The following AHDC1 variants were observed in gnomAD, a reference collection of about 807,000 sequenced individuals.
The protein encoded by AHDC1 is transcription factor Gibbin.
In AHDC1, 7 loss-of-function variants were observed where a neutral mutation model predicts 87.9. The observed-to-expected ratio is 0.08, with a 90% confidence interval of 0.05 to 0.15. AHDC1 has a LOEUF of 0.15. Ranked by LOEUF, AHDC1 falls within the 10% of genes least tolerant of loss-of-function variation. The pLI is 1.00. For synonymous variants in AHDC1, 1,051 were observed against 1,006.8 expected (o/e 1.04, Z -0.83); for missense variants, 1,841 against 2,253.2 (o/e 0.82, Z 3.70).
chr1:27,547,518 G>A lies in AHDC1; in HGVS notation c.4598C>T (p.Ala1533Val). 6.2e-7 allele frequency: 1 copy of A among 1,609,478 alleles called. No individual in the cohort carries two copies. Among genetic ancestry groups the A allele is most frequent in the Non-Finnish European group, 8.5e-7 (1 of 1,177,360 alleles). ...TGGGCAGCCATAGCCAGCAGCGGCT[G>A]CAGCAGGGCCACGGGGTGGGCCAGG... The part of the protein sequence containing the change: ...RPPGPPRGPA[A>V]AAAGYGCPLL... Residue 1533 changes from alanine (A) to valine (V), a missense_variant, in exon 8 of 9, where the codon GCA (alanine) becomes GTA (valine). Ala to Val is a moderately conservative substitution (Grantham distance 64, BLOSUM62 0). This residue lies in a region of AHDC1 where 505 missense variants were observed against 626.2 expected (regional missense o/e 0.81). Coordinates refer to ENST00000673934, the MANE Select transcript of AHDC1 (RefSeq NM_001371928.1). The surrounding 1 kb of genome is among the most constrained non-coding windows in gnomAD (Gnocchi z 4.9).
chr1:27,544,570 G>A (rs929184078), intron 8 of AHDC1, among the ~76,000 whole-genome samples: 1 of 152,204 alleles, frequency 6.6e-6, no homozygotes, highest in Admixed American at 6.5e-5. Flanking sequence ...GAATGAGCGT[G>A]TCCTTGTCCT....
intron 8 of AHDC1, 63 bp from the exon 9 acceptor site, chr1:27,534,979 C>T (rs2018580755): frequency 6.6e-6 from 1 of 152,124 alleles, no homozygotes; most frequent in African/African-American, 2.4e-5. Flanking sequence ...GCTCTGAGAT[C>T]AGGGAAGTGA....
Position 27,560,196 on chromosome 1 carries a change from C to CAT in AHDC1, c.-628-1314_-628-1313insAT, listed in dbSNP as rs2020006401. ...TGCACTTTTCACGTTTATTTCTATTCGTTTTGTGTGTGTGTGTGTGTGTGT... is the reference window on the plus strand; with the variant it reads ...TGCACTTTTCACGTTTATTTCTATTCATGTTTTGTGTGTGTGTGTGTGTGTGT... On this transcript the variant is annotated intron_variant, in intron 3 of 8. Transcript: ENST00000673934. The surrounding 1 kb of genome is among the most constrained non-coding windows in gnomAD (Gnocchi z 4.1). Among the ~76,000 whole-genome samples, 1 of 73,216 alleles carries CAT rather than the reference C, an allele frequency of 1.4e-5. No individual in the cohort carries two copies. Among genetic ancestry groups the CAT allele is most frequent in the African/African-American group, 5.5e-5 (1 of 18,190 alleles). 48.0% of individuals were successfully genotyped at this position (73,216 alleles called of 152,430 possible). A position where few individuals can be genotyped will look rare whatever the true frequency, so the allele number is the denominator to read the frequency against.
Position 27,551,021 on chromosome 1 carries a change from C to A in AHDC1, c.1095G>T (p.Leu365=). 1 of 1,563,168 alleles carries A rather than the reference C, an allele frequency of 6.4e-7. No individual in the cohort carries two copies. Residue 365 remains leucine (L), a synonymous_variant, in exon 8 of 9, where the codon CTG becomes CTT. Transcript: ENST00000673934. ...GHCPLAEPLR[L]DLCSPHGPPG... ...GGGGGCCGTGCGGTGAGCACAAGTC[C>A]AGGCGCAAGGGCTCGGCCAGTGGGC...
rs547656373 is a variant in AHDC1, at chr1:27,548,565, C to A, written c.3551G>T (p.Arg1184Leu). Residue 1184 changes from arginine (R) to leucine (L), a missense_variant, in exon 8 of 9, where the codon CGT becomes CTT. By Grantham distance (102) the Arg-to-Leu change is moderately radical (BLOSUM62 -2). Around this residue, in one of 13 missense-constraint regions of AHDC1, gnomAD observed 505 missense variants for 626.2 expected, o/e 0.81. Transcript: ENST00000673934. ...NQPVGGGGFR[R>L]ANSEASSSEG... ...ACTACTTGAGGCCTCGCTGTTGGCACGCCGAAACCCCCCGCCACCAACCGG... is the reference window on the plus strand; with the variant it reads ...ACTACTTGAGGCCTCGCTGTTGGCAAGCCGAAACCCCCCGCCACCAACCGG... 8 of 1,613,464 alleles carry A rather than the reference C, an allele frequency of 5.0e-6. No homozygotes were observed. In the Admixed American group the frequency reaches 1.3e-4, roughly 27 times the overall value.
At chr1:27,553,718 T>C (rs1379984052) in intron 5 of AHDC1, among the ~76,000 whole-genome samples, 1 of 152,058 alleles carries the variant, frequency 6.6e-6, no homozygotes, top group East Asian at 1.9e-4. Context: ...TTCACCACTA[T>C]ATGTATTTCC....
In AHDC1 at chr1:27,550,657, G is replaced by A. The variant is rs367582615; in HGVS notation, c.1459C>T (p.Arg487Trp). ...KMAKIPVSLG[R>W]RNKTTYKVSS... ...ACTTTGTATGTGGTCTTGTTCCGCC[G>A]CCCCAGCGATACGGGGATCTTGGCC... is the stretch of plus-strand genomic sequence containing the variant. The change falls in exon 8 of 9, where the codon CGG becomes TGG. Residue 487 changes from arginine (R) to tryptophan (W), a missense_variant. Physicochemically the swap from Arg to Trp is moderately radical, Grantham distance 101 (BLOSUM62 -3). This residue lies in a region of AHDC1 where 27 missense variants were observed against 58.6 expected (regional missense o/e 0.46). Coordinates refer to ENST00000673934, the MANE Select transcript of AHDC1 (RefSeq NM_001371928.1). 6.2e-7 allele frequency: 1 copy of A among 1,613,332 alleles called. No homozygotes were observed.
In AHDC1 at chr1:27,544,766, C is replaced by T. The variant is rs2019090883; in HGVS notation, c.*43+2495G>A. ...GAGAGAGGGGGCAGCCGTCCCACCA[C>T]CTTGGCCTGGGCCATCATCACTGCA... On this transcript the variant is annotated intron_variant, in intron 8 of 8. Transcript: ENST00000673934. 2.0e-5 allele frequency among the ~76,000 whole-genome samples: 3 copies of T among 152,252 alleles called. No homozygotes were observed. The South Asian group carries it at 6.2e-4, about 32-fold the overall frequency.
Position 27,595,835 on chromosome 1 carries a change from G to A in AHDC1, c.-629+7562C>T, listed in dbSNP as rs1045791202. Among the ~76,000 whole-genome samples, 8 of 151,556 alleles carry A rather than the reference G, an allele frequency of 5.3e-5. No homozygotes were observed. Among genetic ancestry groups the A allele is most frequent in the Non-Finnish European group, 1.0e-4 (7 of 67,968 alleles). Reference sequence around the variant, plus strand: ...GCAGGTTGTGGGTAAGCATGTGGTGGTTGTGTGTTTGGGGGTATGTGCATG... The same window carrying A: ...GCAGGTTGTGGGTAAGCATGTGGTGATTGTGTGTTTGGGGGTATGTGCATG... On this transcript the variant is annotated intron_variant, in intron 3 of 8. Coordinates refer to ENST00000673934, the MANE Select transcript of AHDC1 (RefSeq NM_001371928.1). The surrounding 1 kb of genome is among the most constrained non-coding windows in gnomAD (Gnocchi z 4.0).
At position 27,550,117 on chromosome 1, in the gene AHDC1, G is replaced by A. The variant is rs758829967; in HGVS notation, c.1999C>T (p.Arg667Trp). ...HFLHRVQGFR[R>W]RGGKAGGFGG... ...AAACCGCCTGCTTTGCCCCCACGCCGCCGGAAGCCCTGCACACGATGCAGG... is the reference window on the plus strand; with the variant it reads ...AAACCGCCTGCTTTGCCCCCACGCCACCGGAAGCCCTGCACACGATGCAGG... The change falls in exon 8 of 9, where the codon CGG (arginine) becomes TGG (tryptophan). Residue 667 changes from arginine (R) to tryptophan (W), a missense_variant. This residue lies in a region of AHDC1 where 236 missense variants were observed against 257.9 expected (regional missense o/e 0.92). Transcript: ENST00000673934. 4 of 1,610,032 alleles carry A rather than the reference G, an allele frequency of 2.5e-6. No homozygotes were observed. The highest frequency in any genetic ancestry group is 2.2e-5 in the East Asian group (1 of 44,886).
chr1:27,539,620 A>G (rs1176879837), intron 8 of AHDC1, among the ~76,000 whole-genome samples: 2 of 149,948 alleles, frequency 1.3e-5, no homozygotes, highest in East Asian at 4.0e-4. Context: ...TAATTTTTGT[A>G]TTTTTAGTAG....
intron 3 of AHDC1, among the ~76,000 whole-genome samples, chr1:27,581,968 C>T (rs2088921712): frequency 6.6e-6 from 1 of 152,040 alleles, no homozygotes; most frequent in Non-Finnish European, 1.5e-5. Flanking sequence ...TGCTCAATCA[C>T]ACAGTGTCTC....
At position 27,547,800 on chromosome 1, in the gene AHDC1, G is replaced by T. The variant is rs769793074; in HGVS notation, c.4316C>A (p.Ala1439Glu). 1 of 1,564,104 alleles carries T rather than the reference G, an allele frequency of 6.4e-7. No homozygotes were observed. Residue 1439 changes from alanine to glutamate, a missense_variant, in exon 8 of 9, where the codon GCA becomes GAA. Ala to Glu is a moderately radical substitution (Grantham distance 107, BLOSUM62 -1). This residue lies in a region of AHDC1 where 505 missense variants were observed against 626.2 expected (regional missense o/e 0.81). Coordinates refer to ENST00000673934, the MANE Select transcript of AHDC1 (RefSeq NM_001371928.1). This position sits in a 1 kb window ranked among gnomAD's most constrained non-coding sequence, Gnocchi z 4.9. ...LQGASLGHAA[A>E]AQAHLSCRDL... is the part of the protein sequence containing the mutation. ...CCGGCAGCTCAGGTGGGCCTGGGCT[G>T]CAGCTGCGTGGCCCAGGCTGGCCCC...
chr1:27,538,223 G>A (rs1400835375), intron 8 of AHDC1, among the ~76,000 whole-genome samples: 1 of 151,782 alleles, frequency 6.6e-6, no homozygotes, highest in Non-Finnish European at 1.5e-5. Flanking sequence ...CCAACATGGA[G>A]AAACCCCGTC....
chr1:27,550,649 G>C lies in AHDC1; in HGVS notation c.1467C>G (p.Asn489Lys). ...AKIPVSLGRR[N>K]KTTYKVSSLS... The stretch of plus-strand genomic sequence containing the variant: ...AGGAAGACACTTTGTATGTGGTCTT[G>C]TTCCGCCGCCCCAGCGATACGGGGA... The change falls in exon 8 of 9, where the codon AAC becomes AAG. Residue 489 changes from asparagine (N) to lysine (K), a missense_variant. Asn to Lys is a moderately conservative substitution (Grantham distance 94, BLOSUM62 0). Coordinates refer to ENST00000673934, the MANE Select transcript of AHDC1 (RefSeq NM_001371928.1). 5.0e-6 allele frequency: 8 copies of C among 1,613,592 alleles called. No homozygotes were observed. Among genetic ancestry groups the C allele is most frequent in the Non-Finnish European group, 6.8e-6 (8 of 1,180,000 alleles).
At chr1:27,535,208 G>C (rs144091616) in intron 8 of AHDC1, among the ~76,000 whole-genome samples, 1,674 of 152,292 alleles carry the variant, frequency 0.011, 13 homozygotes, top group Non-Finnish European at 0.017. Flanking sequence ...TTGGGCTCTG[G>C]AATCAGACAC....
Position 27,563,254 on chromosome 1 carries a change from T to C in AHDC1, c.-628-4371A>G, listed in dbSNP as rs2020178668. Among the ~76,000 whole-genome samples the C allele has an allele frequency of 6.9e-6, 1 of 144,408 alleles. No homozygotes were observed. The highest frequency in any genetic ancestry group is 2.1e-4 in the East Asian group (1 of 4,838). The allele number at this position is 144,408 out of a possible 152,430, so 94.7% of individuals were successfully genotyped here. On this transcript the variant is annotated intron_variant, in intron 3 of 8. Coordinates refer to ENST00000673934, the MANE Select transcript of AHDC1 (RefSeq NM_001371928.1). The surrounding 1 kb of genome is among the most constrained non-coding windows in gnomAD (Gnocchi z 6.1). ...AGACACACACACACGCACGCATGCA[T>C]GCACACACCCACACAAAGAACCTGT...
intron 3 of AHDC1, among the ~76,000 whole-genome samples, chr1:27,569,041 C>T (rs985190923): frequency 1.3e-5 from 2 of 151,386 alleles, no homozygotes; most frequent in Non-Finnish European, 3.0e-5. Context: ...TGAACCCCCC[C>T]GCCCACTTGC....
At position 27,549,057 on chromosome 1, in the gene AHDC1, T is replaced by C. The variant is rs983741604; in HGVS notation, c.3059A>G (p.Tyr1020Cys). ...ASPSSAHSAG[Y>C]APPPTGGPCL... is the part of the protein sequence containing the mutation. ...GGGGCCCCCGGTAGGCGGTGGGGCA[T>C]AGCCGGCGCTGTGGGCGCTGCTGGG... is the stretch of plus-strand genomic sequence containing the variant. Residue 1020 changes from tyrosine to cysteine, a missense_variant, in exon 8 of 9, where the codon TAT (tyrosine) becomes TGT (cysteine). Transcript: ENST00000673934. 5 of 1,571,518 alleles carry C rather than the reference T, an allele frequency of 3.2e-6. No homozygotes were observed. The highest frequency in any genetic ancestry group is 3.5e-6 in the Non-Finnish European group (4 of 1,158,438).
Sources: gnomAD v4.1 joint callset for allele counts (sites outside exome capture counted in the v4.1 genomes callset) on GRCh38, gnomAD v4.1.1 for gene constraint, gnomAD v4.1.1 regional missense constraint, Gnocchi (gnomAD v3.1) non-coding constraint, MANE v1.5 for transcripts, NCBI Gene and HGNC (gene_info 2026-07-23, HGNC 2026-07-21) for gene names.